MYO5C: variants seen among roughly 807,000 people sequenced by gnomAD.
The protein encoded by MYO5C is unconventional myosin-Vc.
In MYO5C, 194 loss-of-function variants were observed where a neutral mutation model predicts 235.7. The ratio of observed to expected loss-of-function variants is 0.82; its 90% CI spans 0.73 to 0.93. MYO5C has a LOEUF of 0.93. Ranked by LOEUF, MYO5C falls within the 40% of genes least tolerant of loss-of-function variation. The pLI is 0.00. For synonymous variants in MYO5C, 707 were observed against 754.8 expected (o/e 0.94, Z 1.04); for missense variants, 2,038 against 2,127.2 (o/e 0.96, Z 0.82).
At chr15:52,245,277 G>T (rs1293732033) in intron 18 of MYO5C, 77 bp downstream of exon 18, 9 of 999,568 alleles carry the variant, frequency 9.0e-6, no homozygotes, top group Middle Eastern at 2.1e-4. Context: ...GAGCATTCAA[G>T]ACAAAGATGA....
intron 24 of MYO5C, among the ~76,000 whole-genome samples, chr15:52,231,978 C>A (rs559567506): frequency 4.0e-5 from 6 of 151,754 alleles, no homozygotes; most frequent in East Asian, 1.9e-4. Flanking sequence ...CTAACAAGGA[C>A]AATAGGTGGG....
chr15:52,272,810 C>A, intron 5 of MYO5C, 87 bp from the exon 6 acceptor site: 1 of 1,363,236 alleles, frequency 7.3e-7, no homozygotes, highest in Non-Finnish European at 1.0e-6. Context: ...AAAAGGCAAT[C>A]CTGTACCCTA....
chr15:52,212,014 T>A, intron 34 of MYO5C, 130 bp from the exon 35 acceptor site: 1 of 856,992 alleles, frequency 1.2e-6, no homozygotes, highest in Non-Finnish European at 1.7e-6. Context: ...TATGGATTTA[T>A]TTCCTCTTTG....
chr15:52,194,280 A>G (rs1392133701), intron 40 of MYO5C, among the ~76,000 whole-genome samples: 1 of 152,248 alleles, frequency 6.6e-6, no homozygotes, highest in African/African-American at 2.4e-5. Flanking sequence ...TCACTTCAGA[A>G]GTTAATTTCC....
At chr15:52,295,577 C>T in intron 1 of MYO5C, 33 bp downstream of exon 1, 2 of 1,501,208 alleles carry the variant, frequency 1.3e-6, no homozygotes, top group South Asian at 2.5e-5. Flanking sequence ...GGCTCCCCCA[C>T]AGCGCTCCCA....
intron 4 of MYO5C, among the ~76,000 whole-genome samples, chr15:52,278,570 A>G (rs1244907549): frequency 6.6e-6 from 1 of 151,988 alleles, no homozygotes; most frequent in African/African-American, 2.4e-5. Context: ...GTCTCATAGC[A>G]GAGAATAAAT....
intron 25 of MYO5C, among the ~76,000 whole-genome samples, chr15:52,227,263 C>T (rs1283262424): frequency 4.3e-5 from 6 of 141,072 alleles, no homozygotes; most frequent in African/African-American, 1.3e-4. Context: ...GGTGCAATCT[C>T]GGCTCACTGC....
Position 52,214,730 on chromosome 15 carries a change from A to C in MYO5C, c.3955-40T>G, listed in dbSNP as rs747541093. On this transcript the variant is annotated intron_variant, in intron 32 of 40. Transcript: ENST00000261839. Reference sequence around the variant, plus strand: ...AGAAACCAGGATTTAGCTTAGAAGCACTTTAATCTATTTTTTTTTTTTTTG... The same window carrying C: ...AGAAACCAGGATTTAGCTTAGAAGCCCTTTAATCTATTTTTTTTTTTTTTG... The C allele has an allele frequency of 7.3e-6, 10 of 1,378,158 alleles. No individual in the cohort carries two copies. The South Asian group carries it at 8.2e-5, about 11-fold the overall frequency. 85.4% of individuals were successfully genotyped at this position (1,378,158 alleles called of 1,614,324 possible). A position where few individuals can be genotyped will look rare whatever the true frequency, so the allele number is the denominator to read the frequency against.
At chr15:52,217,616 T>C (rs576097254) in intron 32 of MYO5C, among the ~76,000 whole-genome samples, 1 of 152,238 alleles carries the variant, frequency 6.6e-6, no homozygotes, top group Non-Finnish European at 1.5e-5. Flanking sequence ...GCAGCTGTCA[T>C]GTAGGTGTCA....
At chr15:52,289,672 TGAGCAC>T (rs1187531897) in intron 1 of MYO5C, among the ~76,000 whole-genome samples, 2 of 151,258 alleles carry the variant, frequency 1.3e-5, no homozygotes, top group African/African-American at 4.9e-5. Flanking sequence ...TCAGCCAGGC[TGAGCAC>T]GAGGTTTCTT....
intron 37 of MYO5C, 112 bp from the exon 38 acceptor site, chr15:52,205,259 G>A: frequency 8.3e-7 from 1 of 1,206,960 alleles, no homozygotes; most frequent in South Asian, 1.5e-5. Flanking sequence ...AGAGTCAGTG[G>A]ATGTACTTAT....
chr15:52,288,241 G>C (rs1223221746), intron 1 of MYO5C, among the ~76,000 whole-genome samples: 1 of 152,198 alleles, frequency 6.6e-6, no homozygotes, highest in African/African-American at 2.4e-5. Flanking sequence ...GTGACTCCTA[G>C]TTTGAACTCC....
At chr15:52,256,589 G>GCGCT in intron 11 of MYO5C, 50 bp downstream of exon 11, 1 of 418,126 alleles carries the variant, frequency 2.4e-6, no homozygotes. Context: ...ACACACACAC[G>GCGCT]CGCGCGCGCG....
At chr15:52,196,138 A>T (rs115193462) in intron 39 of MYO5C, among the ~76,000 whole-genome samples, 171 bp downstream of exon 39, 7,549 of 151,942 alleles carry the variant, frequency 0.05, 245 homozygotes, top group African/African-American at 0.089. Flanking sequence ...ACCTAGTGTT[A>T]GTATTTAATA....
chr15:52,196,570 T>A, intron 38 of MYO5C, 87 bp from the exon 39 acceptor site: 1 of 1,321,126 alleles, frequency 7.6e-7, no homozygotes, highest in Non-Finnish European at 1.0e-6. Flanking sequence ...CAGAGTTCGC[T>A]GAGATCCTTA....
At chr15:52,209,091 G>A in intron 35 of MYO5C, among the ~76,000 whole-genome samples, 1 of 152,112 alleles carries the variant, frequency 6.6e-6, no homozygotes, top group African/African-American at 2.4e-5. Flanking sequence ...TGAGGGAAAT[G>A]GGTGGAGAGA....
intron 7 of MYO5C, among the ~76,000 whole-genome samples, chr15:52,271,501 T>C (rs2036924583): frequency 6.6e-6 from 1 of 152,124 alleles, no homozygotes; most frequent in South Asian, 2.1e-4. Context: ...AGTGCTGGGA[T>C]TACAGGTGTG....
chr15:52,232,997 A>AAACCCTTTGGGAAGAAAAT (rs1462536206), intron 23 of MYO5C, among the ~76,000 whole-genome samples: 3 of 58,800 alleles, frequency 5.1e-5, no homozygotes, highest in African/African-American at 6.6e-5. Context: ...AAATAAATAG[A>AAACCCTTTGGGAAGAAAAT]GGCCGGGCGC....
intron 38 of MYO5C, among the ~76,000 whole-genome samples, chr15:52,201,434 C>A (rs1049593325): frequency 7.2e-5 from 11 of 152,102 alleles, no homozygotes; most frequent in African/African-American, 2.7e-4. Flanking sequence ...TACAAACATA[C>A]CCTTTAGGAA....
Sources: gnomAD v4.1 joint callset for allele counts (sites outside exome capture counted in the v4.1 genomes callset) on GRCh38, gnomAD v4.1.1 for gene constraint, MANE v1.5 for transcripts, NCBI Gene and HGNC (gene_info 2026-07-23, HGNC 2026-07-21) for gene names.